The following GRID1 variants were observed in gnomAD, a reference collection of about 807,000 sequenced individuals.
GRID1 encodes glutamate ionotropic receptor delta type subunit 1.
GRID1 carries 28 observed loss-of-function variants against 98.0 expected under a neutral mutation model. The observed-to-expected ratio is 0.29, with a 90% CI of 0.21 to 0.39. The LOEUF (loss-of-function observed/expected upper bound fraction) is 0.39, where lower values mean the gene tolerates loss of function less well. Among genes scored for constraint, GRID1 ranks in the 10% least tolerant of loss-of-function variants. The pLI, the probability that GRID1 is intolerant of heterozygous loss-of-function variation, is 1.00. For missense variants in GRID1, 1,111 were observed against 1,340.5 expected (o/e 0.83, Z 2.67); for synonymous variants, 553 against 538.5 (o/e 1.03, Z -0.37).
intron 2 of GRID1, among the ~76,000 whole-genome samples, chr10:86,238,091 C>T (rs1846569813): frequency 6.6e-6 from 1 of 152,118 alleles, no homozygotes; most frequent in Non-Finnish European, 1.5e-5. Flanking sequence ...TGCAGCCTGG[C>T]CACGTGGTAG....
intron 3 of GRID1, among the ~76,000 whole-genome samples, chr10:86,194,438 TC>T (rs1845845867): frequency 1.3e-5 from 2 of 152,178 alleles, no homozygotes; most frequent in South Asian, 4.2e-4. Context: ...GGGGCATGGT[TC>T]CCCTTCTGCG....
intron 4 of GRID1, among the ~76,000 whole-genome samples, chr10:86,123,890 C>T (rs541029217): frequency 3.3e-5 from 5 of 152,314 alleles, no homozygotes; most frequent in South Asian, 2.1e-4. Context: ...TGCGAACTTG[C>T]TCTGTGAGGC....
At chr10:86,250,559 G>C (rs932383484) in intron 2 of GRID1, among the ~76,000 whole-genome samples, 1 of 152,174 alleles carries the variant, frequency 6.6e-6, no homozygotes, top group Non-Finnish European at 1.5e-5. Flanking sequence ...CATGTGTACT[G>C]GGGGGCAGCC....
At chr10:85,692,284 T>C (rs1404931470) in intron 12 of GRID1, among the ~76,000 whole-genome samples, 1 of 152,192 alleles carries the variant, frequency 6.6e-6, no homozygotes, top group African/African-American at 2.4e-5. Context: ...ACACAGTTTT[T>C]ACACTCAGTG....
intron 12 of GRID1, among the ~76,000 whole-genome samples, chr10:85,685,187 T>G (rs1192843510): frequency 6.6e-6 from 1 of 152,150 alleles, no homozygotes; most frequent in Non-Finnish European, 1.5e-5. Context: ...TCCAGGAGAA[T>G]TTATAGTTAA....
intron 2 of GRID1, among the ~76,000 whole-genome samples, chr10:86,250,448 G>T (rs143209888): frequency 1.3e-5 from 2 of 152,384 alleles, no homozygotes; most frequent in African/African-American, 4.8e-5. Flanking sequence ...TCAGCCAAGA[G>T]AAATGGTCTC....
At chr10:86,103,163 T>A (rs1319135761) in intron 4 of GRID1, among the ~76,000 whole-genome samples, 1 of 152,020 alleles carries the variant, frequency 6.6e-6, no homozygotes, top group Non-Finnish European at 1.5e-5. Context: ...GAGGACAAAG[T>A]CAGCATGGGC....
intron 4 of GRID1, among the ~76,000 whole-genome samples, chr10:86,105,027 T>C (rs1044045937): frequency 6.6e-6 from 1 of 152,254 alleles, no homozygotes; most frequent in African/African-American, 2.4e-5. Context: ...TACCCACTTC[T>C]GACTTCATTA....
At chr10:85,877,565 T>C (rs1041780562) in intron 5 of GRID1, among the ~76,000 whole-genome samples, 2 of 152,208 alleles carry the variant, frequency 1.3e-5, no homozygotes, top group Non-Finnish European at 2.9e-5. Flanking sequence ...GTGTCCTGTC[T>C]GTTAGAAGGA....
At chr10:86,299,199 T>TC (rs910360448) in intron 2 of GRID1, among the ~76,000 whole-genome samples, 1 of 150,398 alleles carries the variant, frequency 6.6e-6, no homozygotes, top group African/African-American at 2.4e-5. Context: ...TAAGATTTCT[T>TC]TTTTTTTTTT....
chr10:86,247,025 T>C (rs1846740197), intron 2 of GRID1, among the ~76,000 whole-genome samples: 1 of 152,256 alleles, frequency 6.6e-6, no homozygotes, highest in Non-Finnish European at 1.5e-5. Flanking sequence ...TTTGGGTCCA[T>C]GCTGCCTGAC....
intron 8 of GRID1, among the ~76,000 whole-genome samples, chr10:85,838,070 AG>A (rs1842926618): frequency 1.3e-5 from 2 of 152,362 alleles, no homozygotes; most frequent in Non-Finnish European, 2.9e-5. Context: ...CAAAGTCTAA[AG>A]ACTGCCTTTC....
intron 8 of GRID1, among the ~76,000 whole-genome samples, chr10:85,827,109 A>G (rs527886773): frequency 2.0e-5 from 3 of 152,216 alleles, no homozygotes; most frequent in African/African-American, 4.8e-5. Context: ...TTCGCCAGCA[A>G]TGGTTCTTAA....
chr10:85,866,279 G>A (rs1338783040), intron 6 of GRID1, among the ~76,000 whole-genome samples: 2 of 143,442 alleles, frequency 1.4e-5, no homozygotes, highest in African/African-American at 5.3e-5. Flanking sequence ...AAGCATGCTT[G>A]GAGATAGGTA....
chr10:86,164,381 C>T (rs1845367986), intron 3 of GRID1, among the ~76,000 whole-genome samples: 1 of 152,058 alleles, frequency 6.6e-6, no homozygotes, highest in African/African-American at 2.4e-5. Context: ...CAAAAGCGCT[C>T]AGTGCTGAGG....
chr10:85,954,566 T>C (rs1240892072), intron 4 of GRID1, among the ~76,000 whole-genome samples: 1 of 152,128 alleles, frequency 6.6e-6, no homozygotes, highest in Non-Finnish European at 1.5e-5. Context: ...GGGCCAAAGA[T>C]AGATGGCCCT....
At chr10:85,605,414 C>G (rs556382709) in intron 15 of GRID1, 3 of 152,198 alleles carry the variant, frequency 2.0e-5, no homozygotes, top group African/African-American at 7.2e-5. Flanking sequence ...CTTGGAGAAG[C>G]CTGAACAAGC....
intron 5 of GRID1, among the ~76,000 whole-genome samples, chr10:85,899,207 T>C (rs1841342946): frequency 6.6e-6 from 1 of 152,242 alleles, no homozygotes; most frequent in Non-Finnish European, 1.5e-5. Flanking sequence ...CTTAACATAG[T>C]GTCCTCCAGG....
intron 2 of GRID1, among the ~76,000 whole-genome samples, chr10:86,211,101 C>T (rs1846101416): frequency 6.6e-6 from 1 of 152,228 alleles, no homozygotes; most frequent in Non-Finnish European, 1.5e-5. Flanking sequence ...ATGATGGCTC[C>T]CTCTTCACAG....
Sources: gnomAD v4.1 joint callset for allele counts (sites outside exome capture counted in the v4.1 genomes callset) on GRCh38, gnomAD v4.1.1 for gene constraint, MANE v1.5 for transcripts, NCBI Gene and HGNC (gene_info 2026-07-23, HGNC 2026-07-21) for gene names.